NELL2: variants seen among roughly 807,000 people sequenced by gnomAD.
NELL2 encodes protein kinase C-binding protein NELL2.
In NELL2, 41 loss-of-function variants were observed where a neutral mutation model predicts 109.6. The ratio of observed to expected loss-of-function variants is 0.37; its 90% CI spans 0.29 to 0.49. The LOEUF (loss-of-function observed/expected upper bound fraction) is 0.49, where lower values mean the gene tolerates loss of function less well. NELL2 is among the 20% of genes least tolerant of loss of function. The pLI is 0.98. For missense variants in NELL2, 900 were observed against 1,008.3 expected, an observed-to-expected ratio of 0.89 and a Z score of 1.45; for synonymous variants, 355 against 344.7, an observed-to-expected ratio of 1.03 and a Z score of -0.33.
rs944408253 is a variant in NELL2 at position 44,875,357 on chromosome 12, G to A, written c.56-4C>T. 14 of 1,614,088 alleles carry A rather than the reference G, an allele frequency of 8.7e-6. No homozygotes were observed. Among genetic ancestry groups the A allele is most frequent in the Non-Finnish European group, 1.1e-5 (13 of 1,180,026 alleles). On this transcript the variant is annotated splice_polypyrimidine_tract_variant and splice_region_variant and intron_variant, in intron 1 of 19. Coordinates refer to ENST00000429094, the MANE Select transcript of NELL2 (RefSeq NM_001145108.2). ...GGGTCCACACCAAGCCCCCAAACTG[G>A]TGAGGGGTATGAGGTGGGAGAGAGA...
chr12:44,615,686 T>C (rs1271060785), intron 13 of NELL2, among the ~76,000 whole-genome samples: 1 of 152,186 alleles, frequency 6.6e-6, no homozygotes, highest in African/African-American at 2.4e-5. Flanking sequence ...CAGTTTAATG[T>C]CTTTTTGTTG....
intron 1 of NELL2, among the ~76,000 whole-genome samples, chr12:44,909,365 G>A (rs866529630): frequency 4.0e-5 from 6 of 150,902 alleles, no homozygotes; most frequent in Admixed American, 1.3e-4. Context: ...CCTAGGAATA[G>A]ATCTACCCAA....
chr12:44,569,519 C>T (rs1247399125), intron 15 of NELL2, among the ~76,000 whole-genome samples: 2 of 152,200 alleles, frequency 1.3e-5, no homozygotes, highest in South Asian at 2.1e-4. Flanking sequence ...AAACGATGAA[C>T]TATTTCCTTT....
chr12:44,649,172 A>G (rs1450302196), intron 13 of NELL2, among the ~76,000 whole-genome samples: 1 of 151,656 alleles, frequency 6.6e-6, no homozygotes, highest in Non-Finnish European at 1.5e-5. Context: ...GACAATGTAG[A>G]TCCTTCCTTA....
At position 44,580,463 on chromosome 12, in the gene NELL2, TC is replaced by T. The variant is rs368390009; in HGVS notation, c.1663+26705del. ...TGGGTGCGGTGGCTTACGCCTGTAA[TC>T]CCAGCACTTTGGGAGGCCGAGGTGG... On this transcript the variant is annotated intron_variant, in intron 15 of 19. Transcript: ENST00000429094. 1.1e-4 allele frequency among the ~76,000 whole-genome samples: 17 copies of T among 152,238 alleles called. No homozygotes were observed. The East Asian group carries it at 2.9e-3, about 26-fold the overall frequency.
intron 15 of NELL2, among the ~76,000 whole-genome samples, chr12:44,566,253 A>G (rs1592130116): frequency 6.6e-6 from 1 of 152,168 alleles, no homozygotes; most frequent in Non-Finnish European, 1.5e-5. Context: ...TAGTGTACTG[A>G]ATTATTTTTA....
At chr12:44,612,000 T>C (rs1212302219) in intron 13 of NELL2, among the ~76,000 whole-genome samples, 1 of 152,026 alleles carries the variant, frequency 6.6e-6, no homozygotes, top group Non-Finnish European at 1.5e-5. Context: ...AAACAAAATA[T>C]ACATTTTAAT....
chr12:44,521,583 T>A (rs754968769), intron 18 of NELL2, among the ~76,000 whole-genome samples: 2 of 151,830 alleles, frequency 1.3e-5, no homozygotes, highest in Non-Finnish European at 2.9e-5. Flanking sequence ...GCTTTGTTTT[T>A]TAAGTCTAAA....
chr12:44,688,425 T>C (rs1219949303), intron 12 of NELL2, among the ~76,000 whole-genome samples: 5 of 152,250 alleles, frequency 3.3e-5, no homozygotes, highest in African/African-American at 1.2e-4. Flanking sequence ...ACAAGCTTAA[T>C]GACAAACTTT....
chr12:44,556,088 A>C (rs1270880254), intron 15 of NELL2, among the ~76,000 whole-genome samples: 1 of 152,226 alleles, frequency 6.6e-6, no homozygotes. Context: ...ACATAAGAGA[A>C]GGGAGGGGTA....
chr12:44,828,160 T>G (rs1292906435), intron 2 of NELL2, among the ~76,000 whole-genome samples: 1 of 152,134 alleles, frequency 6.6e-6, no homozygotes, highest in Non-Finnish European at 1.5e-5. Context: ...TTAAACCAAG[T>G]TATTAGATTG....
intron 15 of NELL2, among the ~76,000 whole-genome samples, chr12:44,547,491 C>T (rs953021119): frequency 6.6e-6 from 1 of 152,160 alleles, no homozygotes; most frequent in South Asian, 2.1e-4. Context: ...GCATCTTACT[C>T]ATGAATAAGA....
chr12:44,839,036 T>C (rs1042684809), intron 2 of NELL2, among the ~76,000 whole-genome samples: 1 of 151,564 alleles, frequency 6.6e-6, no homozygotes, highest in African/African-American at 2.4e-5. Flanking sequence ...AATGAGGGGG[T>C]TTAATTTTGT....
At chr12:44,823,238 A>G (rs1015674280) in intron 2 of NELL2, among the ~76,000 whole-genome samples, 1 of 152,152 alleles carries the variant, frequency 6.6e-6, no homozygotes, top group Non-Finnish European at 1.5e-5. Context: ...ATCACCTCAC[A>G]TAGTTGGCAT....
chr12:44,551,739 C>T (rs910787230), intron 15 of NELL2, among the ~76,000 whole-genome samples: 1 of 152,112 alleles, frequency 6.6e-6, no homozygotes, highest in African/African-American at 2.4e-5. Context: ...GTGTAAATAT[C>T]TGGAAGACAA....
In NELL2 at chr12:44,712,871, CAG is replaced by C. The variant is rs547889124; in HGVS notation, c.1087-1479_1087-1478del. Among the ~76,000 whole-genome samples the C allele has an allele frequency of 1.1e-4, 17 of 151,642 alleles. No individual in the cohort carries two copies. In the South Asian group the frequency reaches 3.5e-3, roughly 31 times the overall value. ...GATATTTTGGATATATCGGGGAAAA[CAG>C]AAAAAAACTAGTCCAATAAAAATTA... On this transcript the variant is annotated intron_variant, in intron 10 of 19. Coordinates refer to ENST00000429094, the MANE Select transcript of NELL2 (RefSeq NM_001145108.2).
At chr12:44,871,036 T>A (rs572956958) in intron 2 of NELL2, among the ~76,000 whole-genome samples, 1 of 152,154 alleles carries the variant, frequency 6.6e-6, no homozygotes, top group Non-Finnish European at 1.5e-5. Context: ...ACATGCCCTA[T>A]GTTTCTACTT....
At chr12:44,755,454 C>T (rs1033063766) in intron 9 of NELL2, among the ~76,000 whole-genome samples, 1 of 151,728 alleles carries the variant, frequency 6.6e-6, no homozygotes, top group Non-Finnish European at 1.5e-5. Flanking sequence ...CTCTCTCTGT[C>T]ACAATGTCTG....
upstream of NELL2, among the ~76,000 whole-genome samples, chr12:44,877,372 A>G (rs886177226): frequency 6.6e-6 from 1 of 152,242 alleles, no homozygotes; most frequent in African/African-American, 2.4e-5. Context: ...TTTTTTGAAC[A>G]TAGCCCTAAA....
Sources: allele counts gnomAD v4.1 joint callset (sites outside exome capture counted in the v4.1 genomes callset), GRCh38; gene constraint gnomAD v4.1.1; transcripts MANE v1.5; gene names NCBI Gene and HGNC (gene_info 2026-07-23, HGNC 2026-07-21).